USP35: variants seen among roughly 807,000 people sequenced by gnomAD.
USP35 encodes the protein ubiquitin carboxyl-terminal hydrolase 35.
USP35 carries 69 observed loss-of-function variants against 83.8 expected under a neutral mutation model. The ratio of observed to expected loss-of-function variants is 0.82; its 90% confidence interval spans 0.68 to 1.01. The LOEUF (loss-of-function observed/expected upper bound fraction) is 1.01. Among genes scored for constraint, USP35 ranks in the 50% least tolerant of loss-of-function variants. The probability of loss-of-function intolerance (pLI) is 0.00; values close to 1 mark genes in which losing one functional copy is unlikely to be tolerated. For synonymous variants in USP35, 714 were observed against 589.5 expected, an observed-to-expected ratio of 1.21 and a Z score of -3.06; for missense variants, 1,503 against 1,362.5, an observed-to-expected ratio of 1.10 and a Z score of -1.62.
At chr11:78,194,107 C>A (rs1258754376) in intron 1 of USP35, among the ~76,000 whole-genome samples, 1 of 100,600 alleles carries the variant, frequency 9.9e-6, no homozygotes, top group Non-Finnish European at 2.4e-5. Flanking sequence ...GATTTGGGAA[C>A]CACTGATGTC....
chr11:78,230,797 C>T, the USP35 span, among the ~76,000 whole-genome samples: 1,196 of 152,340 alleles, frequency 7.9e-3, 13 homozygotes, highest in African/African-American at 0.027. Context: ...GCCCCCACTG[C>T]GCAAACCATG....
chr11:78,234,044 T>C, the USP35 span, among the ~76,000 whole-genome samples: 3 of 152,224 alleles, frequency 2.0e-5, no homozygotes, highest in African/African-American at 7.2e-5. Flanking sequence ...TTTGCTTACC[T>C]CAAGATCATG....
At chr11:78,208,419 G>T (rs1334979985) in intron 8 of USP35, among the ~76,000 whole-genome samples, 2 of 152,186 alleles carry the variant, frequency 1.3e-5, no homozygotes, top group African/African-American at 4.8e-5. Flanking sequence ...CCCTTGGCCA[G>T]GGATTATGCA....
At chr11:78,215,547 C>CAAGAACTCAAGACACAAGACAAGA (rs1395430828), downstream of USP35, 3 of 152,680 alleles carry the variant, frequency 2.0e-5, no homozygotes, top group East Asian at 5.8e-4. Flanking sequence ...GGTAACAAGA[C>CAAGAACTCAAGACACAAGACAAGA]AAGAACTCAA....
Position 78,199,661 on chromosome 11 carries a change from G to A in USP35, c.873G>A (p.Lys291=), listed in dbSNP as rs1264551175. The change falls in exon 4 of 11, where the codon AAG becomes AAA. Residue 291 remains lysine, a synonymous_variant. Coordinates refer to ENST00000529308, the MANE Select transcript of USP35 (RefSeq NM_020798.4). ...NIDKWIIALL[K]GLAAVKKFSI... Reference sequence around the variant, plus strand: ...ACAAGTGGATCATTGCACTGCTGAAGGGCCTGGCTGCTGTTAAGAAGTTCA... The same window carrying A: ...ACAAGTGGATCATTGCACTGCTGAAAGGCCTGGCTGCTGTTAAGAAGTTCA... The A allele has an allele frequency of 6.2e-7, 1 of 1,614,236 alleles. No individual in the cohort carries two copies. The highest frequency in any genetic ancestry group is 1.7e-5 in the Admixed American group (1 of 60,030).
Position 78,196,630 on chromosome 11 carries a change from C to G in USP35, c.385C>G (p.Leu129Val). 7.4e-7 allele frequency: 1 copy of G among 1,358,694 alleles called. No individual in the cohort carries two copies. The highest frequency in any genetic ancestry group is 3.3e-5 in the East Asian group (1 of 30,660). 84.2% of individuals were successfully genotyped at this position (1,358,694 alleles called of 1,614,324 possible). A position where few individuals can be genotyped will look rare whatever the true frequency, so the allele number is the denominator to read the frequency against. Residue 129 changes from leucine (L) to valine (V), a missense_variant, in exon 2 of 11, where the codon CTG becomes GTG. Transcript: ENST00000529308. The surrounding 1 kb of genome is among the most constrained non-coding windows in gnomAD (Gnocchi z 4.8). ...GTTCGCGCTGCTGCGGCGCGAGGTG[C>G]TGCGCACCGTGTGCGAGCGCCCGGG... ...EVFALLRREV[L>V]RTVCERPGPA... is the part of the protein sequence containing the mutation.
intron 6 of USP35, among the ~76,000 whole-genome samples, chr11:78,203,478 A>T (rs1451171531): frequency 6.6e-6 from 1 of 152,192 alleles, no homozygotes; most frequent in Admixed American, 6.5e-5. Flanking sequence ...AACTCACCCA[A>T]AGTAGCCTGA....
At chr11:78,217,383 G>A (rs1433238842), downstream of USP35, 1 of 152,236 alleles carries the variant, frequency 6.6e-6, no homozygotes, top group Non-Finnish European at 1.5e-5. Context: ...ATGCTAGGAG[G>A]AGAGGTGCAG....
Position 78,209,538 on chromosome 11 carries a change from A to G in USP35, c.1683A>G (p.Pro561=). 1 of 1,614,076 alleles carries G rather than the reference A, an allele frequency of 6.2e-7. No individual in the cohort carries two copies. Among genetic ancestry groups the G allele is most frequent in the South Asian group, 1.1e-5 (1 of 91,072 alleles). ...SPSPPEEPPA[P]SSTSVEKMFG... ...CTCCGCCCGAGGAGCCCCCGGCCCC[A>G]AGTTCAACCTCTGTGGAAAAAATGT... The change falls in exon 10 of 11, where the codon CCA becomes CCG. Residue 561 remains proline (P), a synonymous_variant. Coordinates refer to ENST00000529308, the MANE Select transcript of USP35 (RefSeq NM_020798.4).
chr11:78,190,244 TTG>T (rs1425418028), intron 1 of USP35, among the ~76,000 whole-genome samples: 7 of 152,168 alleles, frequency 4.6e-5, no homozygotes, highest in African/African-American at 1.7e-4. Flanking sequence ...GATTTTTGTT[TTG>T]TTTTGTTTTG....
the USP35 span, among the ~76,000 whole-genome samples, chr11:78,224,160 C>G: frequency 0.02 from 3,096 of 152,246 alleles, 95 homozygotes; most frequent in African/African-American, 0.07. Flanking sequence ...CAAGCCTTCA[C>G]GATCCTTTGG....
At chr11:78,215,996 A>G (rs1286320190), downstream of USP35, 1 of 152,628 alleles carries the variant, frequency 6.6e-6, no homozygotes. Flanking sequence ...GTTAACTTCT[A>G]CATTGGAAAC....
At chr11:78,213,342 T>A (rs2450140) in intron 10 of USP35, among the ~76,000 whole-genome samples, 7 of 152,108 alleles carry the variant, frequency 4.6e-5, no homozygotes, top group South Asian at 2.1e-4. Context: ...CAGGTTCCCG[T>A]GTGGTGTGAT....
intron 1 of USP35, among the ~76,000 whole-genome samples, chr11:78,195,385 GCA>G (rs1286280550): frequency 6.6e-6 from 1 of 152,186 alleles, no homozygotes; most frequent in Non-Finnish European, 1.5e-5. Context: ...AGAAGGCACA[GCA>G]CACACACGAA....
chr11:78,197,649 C>T (rs1227994329), intron 2 of USP35, among the ~76,000 whole-genome samples: 1 of 152,218 alleles, frequency 6.6e-6, no homozygotes, highest in African/African-American at 2.4e-5. Flanking sequence ...CTCCCACCTT[C>T]TCTAGCGCCA....
chr11:78,209,399 G>A lies in USP35; in HGVS notation c.1593-49G>A, dbSNP rs375512212. The A allele has an allele frequency of 6.4e-5, 97 of 1,505,732 alleles. No homozygotes were observed. In the African/African-American group the frequency reaches 7.4e-4, roughly 11 times the overall value. The allele number at this position is 1,505,732 out of a possible 1,614,324, so 93.3% of individuals were successfully genotyped here. A position where few individuals can be genotyped will look rare whatever the true frequency, so the allele number is the denominator to read the frequency against. ...TGGGCATGGATAAGCTGAGTGCCCC[G>A]GAAGGGGACCCGCATGTACATGTAG... On this transcript the variant is annotated intron_variant, in intron 9 of 10. Coordinates refer to ENST00000529308, the MANE Select transcript of USP35 (RefSeq NM_020798.4).
chr11:78,196,161 G>A lies in USP35; in HGVS notation c.-10-75G>A. The stretch of plus-strand genomic sequence containing the variant: ...TTTGAGTTGCTTGCCCTAAGTCTCA[G>A]CACTCGGGGACTGCACCGGGAACTC... On this transcript the variant is annotated intron_variant, in intron 1 of 10. Transcript: ENST00000529308. This position sits in a 1 kb window ranked among gnomAD's most constrained non-coding sequence, Gnocchi z 4.8. The A allele has an allele frequency of 6.8e-7, 1 of 1,475,556 alleles. No individual in the cohort carries two copies. The highest frequency in any genetic ancestry group is 8.9e-7 in the Non-Finnish European group (1 of 1,123,106). The allele number at this position is 1,475,556 out of a possible 1,614,324, so 91.4% of individuals were successfully genotyped here. A position where few individuals can be genotyped will look rare whatever the true frequency, so the allele number is the denominator to read the frequency against.
At position 78,200,668 on chromosome 11, in the gene USP35, C is replaced by T. The variant is rs771354351; in HGVS notation, c.1057C>T (p.Pro353Ser). ...CCCACAGCTCCTCCCTCACATCCCCCCCATGGTGGCCTCTCTGGTCAAGGA... is the reference window on the plus strand; with the variant it reads ...CCCACAGCTCCTCCCTCACATCCCCTCCATGGTGGCCTCTCTGGTCAAGGA... ...AFHLLLPHIP[P>S]MVASLVKEDS... The change falls in exon 6 of 11, where the codon CCC becomes TCC. Residue 353 changes from proline (P) to serine (S), a missense_variant. By Grantham distance (74) the Pro-to-Ser change is moderately conservative. Coordinates refer to ENST00000529308, the MANE Select transcript of USP35 (RefSeq NM_020798.4). 6 of 1,612,260 alleles carry T rather than the reference C, an allele frequency of 3.7e-6. No homozygotes were observed. Among genetic ancestry groups the T allele is most frequent in the African/African-American group, 2.7e-5 (2 of 74,874 alleles).
chr11:78,190,892 T>C (rs1862983540), intron 1 of USP35, among the ~76,000 whole-genome samples: 1 of 152,218 alleles, frequency 6.6e-6, no homozygotes, highest in African/African-American at 2.4e-5. Context: ...CTGAACAATG[T>C]TGCTTGAGTT....
Sources: gnomAD v4.1 joint callset for allele counts (sites outside exome capture counted in the v4.1 genomes callset) on GRCh38, gnomAD v4.1.1 for gene constraint, Gnocchi (gnomAD v3.1) non-coding constraint, MANE v1.5 for transcripts, NCBI Gene and HGNC (gene_info 2026-07-23, HGNC 2026-07-21) for gene names.